ADD3: variants seen among roughly 807,000 people sequenced by gnomAD.
ADD3 encodes the protein adducin 3.
In ADD3, 25 loss-of-function variants were observed where a neutral mutation model predicts 80.2. The observed-to-expected ratio is 0.31, with a 90% CI of 0.23 to 0.44. The LOEUF (loss-of-function observed/expected upper bound fraction) is 0.44. ADD3 is among the 20% of genes least tolerant of loss of function. ADD3 has a pLI of 1.00. For synonymous variants in ADD3, 284 were observed against 289.6 expected, an observed-to-expected ratio of 0.98 and a Z score of 0.20; for missense variants, 829 against 847.5, an observed-to-expected ratio of 0.98 and a Z score of 0.27.
In ADD3 at chr10:110,133,304, A is replaced by C. The variant is rs201781894; in HGVS notation, c.1829-22A>C. ...ATGTTAAGTATGTAAAATAACCCCC[A>C]AAAAACCCTCCCCTTTCGTAGAAAA... On this transcript the variant is annotated intron_variant, in intron 14 of 14. Coordinates refer to ENST00000356080, the MANE Select transcript of ADD3 (RefSeq NM_016824.5). 103 of 1,555,544 alleles carry C rather than the reference A, an allele frequency of 6.6e-5. No individual in the cohort carries two copies. The African/African-American group carries it at 6.7e-4, about 10-fold the overall frequency.
intron 1 of ADD3, among the ~76,000 whole-genome samples, chr10:110,084,589 A>ACT (rs367653933): frequency 1.3e-5 from 2 of 152,070 alleles, no homozygotes; most frequent in South Asian, 2.1e-4. Context: ...GGGACACGTC[A>ACT]CTCTCTCTCT....
chr10:110,034,934 G>A (rs1483244837), intron 1 of ADD3, among the ~76,000 whole-genome samples: 1 of 152,204 alleles, frequency 6.6e-6, no homozygotes, highest in Non-Finnish European at 1.5e-5. Flanking sequence ...AACCAGCCAT[G>A]TTTCAGGTTT....
At chr10:110,122,011 T>C in intron 8 of ADD3, 99 bp from the exon 9 acceptor site, 1 of 1,044,952 alleles carries the variant, frequency 9.6e-7, no homozygotes, top group Non-Finnish European at 1.4e-6. Flanking sequence ...GCAAGTATTA[T>C]AGATATTTGC....
At chr10:110,050,210 G>A (rs895095952) in intron 1 of ADD3, among the ~76,000 whole-genome samples, 2 of 152,142 alleles carry the variant, frequency 1.3e-5, no homozygotes, top group African/African-American at 2.4e-5. Context: ...GTCCAGAGGT[G>A]GAATGATATG....
At chr10:110,131,949 G>A (rs1590269935) in intron 13 of ADD3, among the ~76,000 whole-genome samples, 1 of 152,198 alleles carries the variant, frequency 6.6e-6, no homozygotes. Context: ...CCTCATTAAT[G>A]TAGCATCATT....
intron 1 of ADD3, among the ~76,000 whole-genome samples, chr10:110,016,029 G>C (rs775997454): frequency 1.3e-5 from 2 of 152,160 alleles, no homozygotes; most frequent in Admixed American, 6.5e-5. Context: ...TAATCTAAAC[G>C]TCCCTGTGCT....
chr10:110,069,124 G>A (rs919275925), intron 1 of ADD3, among the ~76,000 whole-genome samples: 1 of 151,958 alleles, frequency 6.6e-6, no homozygotes, highest in African/African-American at 2.4e-5. Flanking sequence ...TTAAATGCAG[G>A]TGCGATTACT....
intron 1 of ADD3, among the ~76,000 whole-genome samples, chr10:110,066,510 GGT>G (rs1843975093): frequency 6.6e-6 from 1 of 152,174 alleles, no homozygotes; most frequent in South Asian, 2.1e-4. Flanking sequence ...TGGGATTACA[GGT>G]GTGAGCCACC....
At chr10:110,046,624 A>G (rs1413842068) in intron 1 of ADD3, among the ~76,000 whole-genome samples, 1 of 152,166 alleles carries the variant, frequency 6.6e-6, no homozygotes, top group African/African-American at 2.4e-5. Flanking sequence ...AGGGTATTCA[A>G]ATTCTACTTA....
chr10:110,046,262 T>G (rs1448576254), intron 1 of ADD3, among the ~76,000 whole-genome samples: 3 of 152,206 alleles, frequency 2.0e-5, no homozygotes, highest in African/African-American at 7.2e-5. Flanking sequence ...CTTATGATTT[T>G]CTTAATATTT....
At chr10:110,012,594 G>T (rs1852457297) in intron 1 of ADD3, among the ~76,000 whole-genome samples, 1 of 152,186 alleles carries the variant, frequency 6.6e-6, no homozygotes, top group South Asian at 2.1e-4. Flanking sequence ...GTAGTAGCAT[G>T]ATCACCAAAA....
intron 1 of ADD3, among the ~76,000 whole-genome samples, chr10:110,069,449 A>G (rs950784411): frequency 6.6e-6 from 1 of 152,154 alleles, no homozygotes; most frequent in Non-Finnish European, 1.5e-5. Context: ...CCATTTTTCA[A>G]TCCACAAAAG....
intron 3 of ADD3, among the ~76,000 whole-genome samples, chr10:110,113,640 T>C (rs1469835343): frequency 2.0e-5 from 3 of 152,208 alleles, no homozygotes; most frequent in Non-Finnish European, 2.9e-5. Context: ...CACAGTTGGA[T>C]TTGGAAGTTT....
chr10:110,032,162 T>C (rs1855120213), intron 1 of ADD3, among the ~76,000 whole-genome samples: 1 of 151,948 alleles, frequency 6.6e-6, no homozygotes, highest in Non-Finnish European at 1.5e-5. Context: ...ACAAAGAGGG[T>C]TGAAGTAAAA....
At chr10:110,083,061 T>A (rs896240750) in intron 1 of ADD3, among the ~76,000 whole-genome samples, 1 of 152,076 alleles carries the variant, frequency 6.6e-6, no homozygotes, top group African/African-American at 2.4e-5. Flanking sequence ...TAACTCTAAG[T>A]GGACAGTAAA....
intron 1 of ADD3, among the ~76,000 whole-genome samples, chr10:110,073,188 G>A (rs1478842129): frequency 7.1e-6 from 1 of 141,676 alleles, no homozygotes; most frequent in East Asian, 2.0e-4. Flanking sequence ...TGTCACCCAG[G>A]CTGGAGTGCA....
chr10:110,039,052 A>G (rs997065168), intron 1 of ADD3, among the ~76,000 whole-genome samples: 2 of 152,116 alleles, frequency 1.3e-5, no homozygotes, highest in African/African-American at 2.4e-5. Context: ...ATTTGTGGTG[A>G]TTTTTAACTT....
chr10:110,100,355 A>AT (rs1848674176), intron 1 of ADD3, among the ~76,000 whole-genome samples: 1 of 151,610 alleles, frequency 6.6e-6, no homozygotes, highest in African/African-American at 2.4e-5. Context: ...ATCTCAAAAA[A>AT]AAAAAAAAAA....
chr10:110,123,177 T>C (rs1381818025), intron 9 of ADD3, among the ~76,000 whole-genome samples: 2 of 152,256 alleles, frequency 1.3e-5, no homozygotes, highest in Non-Finnish European at 2.9e-5. Context: ...GTACCTAACA[T>C]GAGAGTACAG....
Sources: allele counts gnomAD v4.1 joint callset (sites outside exome capture counted in the v4.1 genomes callset), GRCh38; gene constraint gnomAD v4.1.1; transcripts MANE v1.5; gene names NCBI Gene and HGNC (gene_info 2026-07-23, HGNC 2026-07-21).